Variants in TAF5L observed in about 807,000 individuals in gnomAD.
TAF5L encodes TAF5-like RNA polymerase II p300/CBP-associated factor-associated factor 65 kDa subunit 5L.
TAF5L carries 7 observed loss-of-function variants against 51.3 expected under a neutral mutation model. The ratio of observed to expected loss-of-function variants is 0.14; its 90% confidence interval spans 0.08 to 0.26. The LOEUF is 0.26. Ranked by LOEUF, TAF5L falls within the 10% of genes least tolerant of loss-of-function variation. TAF5L has a pLI of 1.00. For synonymous variants in TAF5L, 291 were observed against 308.1 expected (o/e 0.94, Z 0.58); for missense variants, 575 against 758.9 (o/e 0.76, Z 2.85).
At chr1:229,611,477 C>T (rs899527575) in intron 2 of TAF5L, among the ~76,000 whole-genome samples, 4 of 152,042 alleles carry the variant, frequency 2.6e-5, no homozygotes, top group African/African-American at 7.2e-5. Flanking sequence ...ACAGGAAATA[C>T]GTAGAAAGGG....
intron 3 of TAF5L, among the ~76,000 whole-genome samples, chr1:229,605,384 G>C (rs1425080850): frequency 2.0e-5 from 3 of 152,166 alleles, no homozygotes; most frequent in Non-Finnish European, 2.9e-5. Context: ...CCGGGGAAAA[G>C]GTTAGTGTGT....
chr1:229,605,129 T>C (rs1664541887), intron 3 of TAF5L, among the ~76,000 whole-genome samples: 1 of 147,234 alleles, frequency 6.8e-6, no homozygotes, highest in African/African-American at 2.5e-5. Flanking sequence ...TATATATGTA[T>C]TTTTTTTTTA....
At chr1:229,614,065 C>T in intron 2 of TAF5L, 1 of 618,050 alleles carries the variant, frequency 1.6e-6, no homozygotes, top group Admixed American at 2.8e-5. Context: ...CACGTACTTT[C>T]AGGTACAGAT....
In TAF5L at chr1:229,615,322, T is replaced by C. The variant is rs146944099; in HGVS notation, c.-3-837A>G. Among the ~76,000 whole-genome samples the C allele has an allele frequency of 6.7e-3, 1,022 of 152,218 alleles. 12 individuals carry two copies. The highest frequency in any genetic ancestry group is 0.023 in the African/African-American group (964 of 41,522). ...CAGGATGGTCTCAATCTCCTGACAT[T>C]GTGATCTGCCCGGCTTGGCCTCTCA... On this transcript the variant is annotated intron_variant, in intron 1 of 4. Transcript: ENST00000258281.
chr1:229,603,995 T>G lies in TAF5L; in HGVS notation c.248-1076A>C, dbSNP rs12093054. Reference sequence around the variant, plus strand: ...GGCAAAATCCATCCGTTACATTCACTCAGTGTTATTTTCAACTTGACTGCC... The same window carrying G: ...GGCAAAATCCATCCGTTACATTCACGCAGTGTTATTTTCAACTTGACTGCC... On this transcript the variant is annotated intron_variant, in intron 3 of 4. Coordinates refer to ENST00000258281, the Ensembl canonical transcript of TAF5L. Among the ~76,000 whole-genome samples, 1,488 of 152,326 alleles carry G rather than the reference T, an allele frequency of 9.8e-3. 27 individuals carry two copies. The highest frequency in any genetic ancestry group is 0.034 in the African/African-American group (1,414 of 41,564).
rs1025276542 is a variant in TAF5L, at chr1:229,622,817, G to A, written c.-4+3068C>T. ...TTTTGTAGAGACGGAGTCTCACTAC[G>A]CTGCCCAGGTTGATCTCAAACTCCT... On this transcript the variant is annotated intron_variant, in intron 1 of 4. Transcript: ENST00000258281. Among the ~76,000 whole-genome samples, 4 of 152,126 alleles carry A rather than the reference G, an allele frequency of 2.6e-5. No homozygotes were observed. In the South Asian group the frequency reaches 6.2e-4, roughly 24 times the overall value.
rs968573848 is a variant in TAF5L at position 229,625,209 on chromosome 1, G to A, written c.-4+676C>T. Among the ~76,000 whole-genome samples the A allele has an allele frequency of 2.0e-5, 3 of 152,132 alleles. No homozygotes were observed. Among genetic ancestry groups the A allele is most frequent in the Admixed American group, 6.5e-5 (1 of 15,288 alleles). On this transcript the variant is annotated intron_variant, in intron 1 of 4. Coordinates refer to ENST00000258281, the Ensembl canonical transcript of TAF5L. This position sits in a 1 kb window ranked among gnomAD's most constrained non-coding sequence, Gnocchi z 4.0. ...AACCATCCACTCACTTCGGACCAAC[G>A]CCTTATCGAATACATTTTCAAAAGC... is the stretch of plus-strand genomic sequence containing the variant.
chr1:229,594,717 G>A lies in TAF5L; in HGVS notation c.1350C>T (p.Val450=). 6 of 1,614,190 alleles carry A rather than the reference G, an allele frequency of 3.7e-6. No individual in the cohort carries two copies. In the South Asian group the frequency reaches 5.5e-5, roughly 15 times the overall value. The change falls in exon 5 of 5, where the codon GTC becomes GTT. Residue 450 remains valine (V), a synonymous_variant. Transcript: ENST00000258281. The surrounding 1 kb of genome is among the most constrained non-coding windows in gnomAD (Gnocchi z 7.9). ...TCCCCTGCTGAGCGCTCCACAGCCG[G>A]ACGGTCTTGTCGGTTGAGCCCGTGG...
intron 3 of TAF5L, among the ~76,000 whole-genome samples, chr1:229,608,131 C>T (rs1181201184): frequency 6.6e-6 from 1 of 152,184 alleles, no homozygotes; most frequent in Non-Finnish European, 1.5e-5. Flanking sequence ...CCTGGCCTTA[C>T]ACACGCATAG....
At chr1:229,617,011 T>A (rs936508422) in intron 1 of TAF5L, among the ~76,000 whole-genome samples, 5 of 152,236 alleles carry the variant, frequency 3.3e-5, no homozygotes, top group African/African-American at 4.8e-5. Flanking sequence ...CTTCTCACTA[T>A]GAAATTTACC....
intron 1 of TAF5L, among the ~76,000 whole-genome samples, chr1:229,620,492 C>A (rs1665163415): frequency 1.3e-5 from 2 of 152,216 alleles, no homozygotes; most frequent in African/African-American, 4.8e-5. Context: ...TCACCCCAAC[C>A]CTCATGCAGG....
At position 229,594,644 on chromosome 1, in the gene TAF5L, C is replaced by T. The variant is rs1420132560; in HGVS notation, c.1423G>A (p.Ala475Thr). 17 of 1,614,018 alleles carry T rather than the reference C, an allele frequency of 1.1e-5. No homozygotes were observed. The highest frequency in any genetic ancestry group is 1.4e-5 in the Non-Finnish European group (16 of 1,180,042). ...AAGTACTTACCGTTGGGAGAAAAGG[C>T]GAGAGAAAGCACGGGGCCACGGTGG... The change falls in exon 5 of 5, where the codon GCC becomes ACC. Residue 475 changes from alanine (A) to threonine (T), a missense_variant. Ala to Thr is a moderately conservative substitution (Grantham distance 58). Around this residue, in one of 3 missense-constraint regions of TAF5L, gnomAD observed 104 missense variants for 218.3 expected, o/e 0.48. Transcript: ENST00000258281. This position sits in a 1 kb window ranked among gnomAD's most constrained non-coding sequence, Gnocchi z 7.9.
In TAF5L at chr1:229,594,396, G is replaced by A. The variant is rs760630414; in HGVS notation, c.1671C>T (p.Gly557=). Residue 557 remains glycine (G), a synonymous_variant, in exon 5 of 5, where the codon GGC becomes GGT. Transcript: ENST00000258281. The surrounding 1 kb of genome is among the most constrained non-coding windows in gnomAD (Gnocchi z 7.9). ...CGTTGCTCATCTGCCCGGTGTACAC[G>A]CCCACGAGCTCGCTGGAGGAGCCGT... 19 of 1,613,994 alleles carry A rather than the reference G, an allele frequency of 1.2e-5. No homozygotes were observed. The highest frequency in any genetic ancestry group is 8.8e-5 in the South Asian group (8 of 91,078).
intron 3 of TAF5L, chr1:229,605,982 T>A: frequency 3.0e-6 from 1 of 330,284 alleles, no homozygotes; most frequent in Non-Finnish European, 4.3e-6. Context: ...TGTTTTTTAT[T>A]GGGATGAAGG....
chr1:229,622,861 G>A (rs571970767), intron 1 of TAF5L, among the ~76,000 whole-genome samples: 26 of 152,240 alleles, frequency 1.7e-4, no homozygotes, highest in African/African-American at 5.5e-4. Flanking sequence ...GTGATCCTCC[G>A]AAAGTGCTGG....
At chr1:229,609,942 G>A (rs1294928635) in intron 3 of TAF5L, among the ~76,000 whole-genome samples, 164 bp downstream of exon 3, 1 of 152,168 alleles carries the variant, frequency 6.6e-6, no homozygotes, top group East Asian at 1.9e-4. Flanking sequence ...CAAACCAATT[G>A]TGGAATATAG....
At chr1:229,610,454 T>C (rs113765205) in intron 2 of TAF5L, among the ~76,000 whole-genome samples, 1,950 of 152,280 alleles carry the variant, frequency 0.013, 43 homozygotes, top group African/African-American at 0.045. Flanking sequence ...AAGCACAGGA[T>C]AAGGTGAATG....
chr1:229,605,521 T>C (rs1199496039), intron 3 of TAF5L, among the ~76,000 whole-genome samples: 2 of 152,308 alleles, frequency 1.3e-5, no homozygotes, highest in East Asian at 1.9e-4. Context: ...AGGAGTGGAC[T>C]TGTGAGGTTA....
intron 3 of TAF5L, among the ~76,000 whole-genome samples, chr1:229,605,739 C>G (rs1664570221): frequency 6.6e-6 from 1 of 152,108 alleles, no homozygotes; most frequent in Admixed American, 6.5e-5. Flanking sequence ...TAGAAAAAGA[C>G]TTATCTTCCC....
Sources: allele counts gnomAD v4.1 joint callset (sites outside exome capture counted in the v4.1 genomes callset), GRCh38; gene constraint gnomAD v4.1.1; regional missense constraint gnomAD v4.1.1; non-coding constraint Gnocchi (gnomAD v3.1); transcripts MANE v1.5; gene names NCBI Gene and HGNC (gene_info 2026-07-23, HGNC 2026-07-21).